The following HIP1 variants were observed in gnomAD, a reference collection of about 807,000 sequenced individuals.
The protein encoded by HIP1 is huntingtin-interacting protein 1.
In HIP1, 65 loss-of-function variants were observed where a neutral mutation model predicts 147.6. That is an observed-to-expected ratio of 0.44 (90% CI 0.36 to 0.54). HIP1 has a LOEUF of 0.54. Ranked by LOEUF, HIP1 falls within the 20% of genes least tolerant of loss-of-function variation. The probability of loss-of-function intolerance (pLI) is 0.00; values close to 1 mark genes in which losing one functional copy is unlikely to be tolerated. For synonymous variants in HIP1, 479 were observed against 504.0 expected (o/e 0.95, Z 0.67); for missense variants, 1,061 against 1,299.6 (o/e 0.82, Z 2.82).
At chr7:75,679,377 T>G (rs1799991181) in intron 1 of HIP1, among the ~76,000 whole-genome samples, 1 of 152,098 alleles carries the variant, frequency 6.6e-6, no homozygotes, top group African/African-American at 2.4e-5. Flanking sequence ...CTCATTTTTG[T>G]ATTTTCTGTA....
chr7:75,613,366 C>T (rs587604610), intron 1 of HIP1, among the ~76,000 whole-genome samples: 9 of 152,184 alleles, frequency 5.9e-5, no homozygotes, highest in Non-Finnish European at 1.3e-4. Context: ...GTCCTAGCTA[C>T]AACACTTGGA....
intron 1 of HIP1, among the ~76,000 whole-genome samples, chr7:75,612,326 A>G (rs1797470641): frequency 6.6e-6 from 1 of 152,154 alleles, no homozygotes; most frequent in Admixed American, 6.6e-5. Context: ...CCTGGCCGAC[A>G]TGGTGAAATC....
intron 1 of HIP1, among the ~76,000 whole-genome samples, chr7:75,612,226 G>A (rs1554505115): frequency 6.6e-6 from 1 of 152,096 alleles, no homozygotes; most frequent in Non-Finnish European, 1.5e-5. Context: ...CAAAGGCAGA[G>A]GAGGCCGGGC....
chr7:75,639,697 G>GT (rs1241078007), intron 1 of HIP1, among the ~76,000 whole-genome samples: 1 of 151,886 alleles, frequency 6.6e-6, no homozygotes, highest in East Asian at 1.9e-4. Context: ...GAAAAAGGAG[G>GT]GACAGATGGG....
chr7:75,735,814 C>T (rs1278993849), intron 1 of HIP1, among the ~76,000 whole-genome samples: 1 of 151,998 alleles, frequency 6.6e-6, no homozygotes, highest in Non-Finnish European at 1.5e-5. Context: ...CCTCAACCTC[C>T]AAAGTTACTG....
chr7:75,625,625 G>A (rs1174950613), intron 1 of HIP1: 1 of 152,210 alleles, frequency 6.6e-6, no homozygotes, highest in African/African-American at 2.4e-5. Context: ...TGTTTCTAGT[G>A]AGTAGAAAAG....
chr7:75,724,176 C>T (rs2117387113), intron 1 of HIP1, among the ~76,000 whole-genome samples: 1 of 151,946 alleles, frequency 6.6e-6, no homozygotes, highest in East Asian at 1.9e-4. Flanking sequence ...AGGCTGGTCT[C>T]GAACTCCTGA....
chr7:75,714,113 C>A (rs1801244648), intron 1 of HIP1, among the ~76,000 whole-genome samples: 1 of 151,668 alleles, frequency 6.6e-6, no homozygotes, highest in African/African-American at 2.4e-5. Flanking sequence ...CATCTTGGCT[C>A]ACTGCAACCT....
Position 75,587,237 on chromosome 7 carries a change from C to T in HIP1, c.385-404G>A, listed in dbSNP as rs150891370. Among the ~76,000 whole-genome samples the T allele has an allele frequency of 2.9e-4, 44 of 152,250 alleles. 1 individual carries two copies. The highest frequency in any genetic ancestry group is 9.7e-4 in the East Asian group (5 of 5,170). ...ATTACACTACAGGTGTGAGCCACCACGCCCAGCTAATTTTTGTAGCTTTTA... is the reference window on the plus strand; with the variant it reads ...ATTACACTACAGGTGTGAGCCACCATGCCCAGCTAATTTTTGTAGCTTTTA... On this transcript the variant is annotated intron_variant, in intron 4 of 30. Transcript: ENST00000336926.
chr7:75,589,518 C>G (rs1796408261), intron 4 of HIP1, among the ~76,000 whole-genome samples: 1 of 151,408 alleles, frequency 6.6e-6, no homozygotes, highest in Non-Finnish European at 1.5e-5. Context: ...AACCGTGTCT[C>G]CACTAAAATA....
chr7:75,669,820 G>A (rs4731474), intron 1 of HIP1, among the ~76,000 whole-genome samples: 84,636 of 151,896 alleles, frequency 0.56, 23,936 homozygotes, highest in African/African-American at 0.63. Flanking sequence ...ATTTATTTAC[G>A]AGACAGAGTC....
At chr7:75,561,182 G>T (rs764335887) in intron 13 of HIP1, 147 bp downstream of exon 13, 3 of 710,464 alleles carry the variant, frequency 4.2e-6, no homozygotes, top group Admixed American at 1.9e-5. Flanking sequence ...TCGAACTCCC[G>T]ACCTCAGGTA....
chr7:75,636,427 C>A (rs1368405460), intron 1 of HIP1, among the ~76,000 whole-genome samples: 1 of 152,156 alleles, frequency 6.6e-6, no homozygotes, highest in African/African-American at 2.4e-5. Flanking sequence ...GCAGGAGAAA[C>A]CTCCAAGGCT....
intron 5 of HIP1, among the ~76,000 whole-genome samples, chr7:75,586,348 A>G (rs1350552684): frequency 2.6e-5 from 4 of 151,936 alleles, no homozygotes; most frequent in African/African-American, 9.7e-5. Flanking sequence ...GACTACAGGC[A>G]TGCATCACCA....
intron 1 of HIP1, among the ~76,000 whole-genome samples, chr7:75,717,134 A>T (rs1801347597): frequency 6.6e-6 from 1 of 152,104 alleles, no homozygotes. Context: ...CTGACTTCTT[A>T]CAAAGCCCTT....
At position 75,568,307 on chromosome 7, in the gene HIP1, G is replaced by T; in HGVS notation, c.746-51C>A. 1 of 1,278,692 alleles carries T rather than the reference G, an allele frequency of 7.8e-7. No homozygotes were observed. The highest frequency in any genetic ancestry group is 1.1e-6 in the Non-Finnish European group (1 of 874,250). 79.2% of individuals were successfully genotyped at this position (1,278,692 alleles called of 1,614,324 possible). On this transcript the variant is annotated intron_variant, in intron 8 of 30. Transcript: ENST00000336926. This position sits in a 1 kb window ranked among gnomAD's most constrained non-coding sequence, Gnocchi z 4.1. Reference sequence around the variant, plus strand: ...GAGGGGAGGGGGACCAGAGGGCAGGGAAGCCACAGCGGGGCTCTCGAGGGG... The same window carrying T: ...GAGGGGAGGGGGACCAGAGGGCAGGTAAGCCACAGCGGGGCTCTCGAGGGG...
intron 22 of HIP1, among the ~76,000 whole-genome samples, chr7:75,552,383 T>C (rs1306822452): frequency 6.6e-6 from 1 of 151,964 alleles, no homozygotes; most frequent in East Asian, 2.0e-4. Context: ...AGGGTCTCAC[T>C]CTGTTGCCTA....
chr7:75,614,638 AG>A (rs1242033576), intron 1 of HIP1, among the ~76,000 whole-genome samples: 1 of 152,216 alleles, frequency 6.6e-6, no homozygotes, highest in African/African-American at 2.4e-5. Flanking sequence ...GAAATTAAAC[AG>A]TCATGTCGGT....
chr7:75,607,805 A>G (rs1178838247), intron 1 of HIP1, among the ~76,000 whole-genome samples: 1 of 152,238 alleles, frequency 6.6e-6, no homozygotes, highest in Non-Finnish European at 1.5e-5. Flanking sequence ...CAGTCTTTGC[A>G]GTGTGACCAA....
Sources: allele counts gnomAD v4.1 joint callset (sites outside exome capture counted in the v4.1 genomes callset), GRCh38; gene constraint gnomAD v4.1.1; non-coding constraint Gnocchi (gnomAD v3.1); transcripts MANE v1.5; gene names NCBI Gene and HGNC (gene_info 2026-07-23, HGNC 2026-07-21).